The following CHEK1 variants were observed in gnomAD, a reference collection of about 807,000 sequenced individuals.
The protein encoded by CHEK1 is checkpoint kinase 1, also known as serine/threonine-protein kinase Chk1.
Under a neutral mutation model 60.2 loss-of-function variants are expected in CHEK1, and 32 were observed. The ratio of observed to expected loss-of-function variants is 0.53; its 90% CI spans 0.40 to 0.71. The LOEUF is 0.71. Ranked by LOEUF, CHEK1 falls within the 30% of genes least tolerant of loss-of-function variation. The pLI is 0.00. For missense variants in CHEK1, 399 were observed against 564.6 expected, an observed-to-expected ratio of 0.71 and a Z score of 2.97; for synonymous variants, 179 against 187.2, an observed-to-expected ratio of 0.96 and a Z score of 0.36.
intron 11 of CHEK1, among the ~76,000 whole-genome samples, chr11:125,645,337 C>T (rs1275107954): frequency 6.6e-6 from 1 of 151,986 alleles, no homozygotes; most frequent in Non-Finnish European, 1.5e-5. Context: ...TGATTGCACC[C>T]GTCAATTTTT....
At chr11:125,629,317 C>T in intron 4 of CHEK1, 21 bp downstream of exon 4, 1 of 1,613,638 alleles carries the variant, frequency 6.2e-7, no homozygotes, top group Non-Finnish European at 8.5e-7. Context: ...TTGTCTATTT[C>T]CCTTTTACTT....
intron 11 of CHEK1, among the ~76,000 whole-genome samples, chr11:125,646,053 T>C (rs1941488745): frequency 6.6e-6 from 1 of 152,112 alleles, no homozygotes; most frequent in African/African-American, 2.4e-5. Flanking sequence ...CACAAGGTTG[T>C]GCAACCATCG....
At chr11:125,680,912 A>T, downstream of CHEK1, 1 of 743,334 alleles carries the variant, frequency 1.3e-6, no homozygotes, top group East Asian at 2.6e-5. Flanking sequence ...GAAGTAACCC[A>T]TGTTTCTTCA....
In CHEK1 at chr11:125,644,076, G is replaced by A. The variant is rs374795594; in HGVS notation, c.924-15G>A. On this transcript the variant is annotated splice_polypyrimidine_tract_variant and intron_variant, in intron 9 of 12. Transcript: ENST00000438015. ...TTTTATTAAATGTATGTTTCTTTCTGTCTTAATGCCTCAGTGAAGAAAATG... is the reference window on the plus strand; with the variant it reads ...TTTTATTAAATGTATGTTTCTTTCTATCTTAATGCCTCAGTGAAGAAAATG... 6 of 1,605,620 alleles carry A rather than the reference G, an allele frequency of 3.7e-6. No individual in the cohort carries two copies. The highest frequency in any genetic ancestry group is 2.2e-5 in the East Asian group (1 of 44,848).
chr11:125,674,263 GA>G (rs1942372504), intron 13 of CHEK1, among the ~76,000 whole-genome samples: 2 of 152,188 alleles, frequency 1.3e-5, no homozygotes, highest in Admixed American at 1.3e-4. Flanking sequence ...ACATGCAATG[GA>G]AAAACCATGT....
downstream of CHEK1, chr11:125,680,808 G>C: frequency 1.3e-6 from 2 of 1,597,432 alleles, no homozygotes; most frequent in Non-Finnish European, 1.7e-6. Flanking sequence ...GGGGACCCCA[G>C]TGTGGGCCAC....
In CHEK1 at chr11:125,651,283, CCT is replaced by C. The variant is rs199689583; in HGVS notation, c.1234-2460_1234-2459del. Among the ~76,000 whole-genome samples, 3 of 138,888 alleles carry C rather than the reference CCT, an allele frequency of 2.2e-5. 1 individual carries two copies. The highest frequency in any genetic ancestry group is 1.5e-4 in the Admixed American group (2 of 13,752). The allele number at this position is 138,888 out of a possible 152,430, so 91.1% of individuals were successfully genotyped here. On this transcript the variant is annotated intron_variant, in intron 11 of 12. Coordinates refer to ENST00000438015, the MANE Select transcript of CHEK1 (RefSeq NM_001114122.3). The stretch of plus-strand genomic sequence containing the variant: ...GTTACAAAGGTGAAATAAAGACAAG[CCT>C]CTTTTTTTTTTTTTTTTTTTGAGAT...
At chr11:125,634,531 C>T (rs1212964576) in intron 6 of CHEK1, among the ~76,000 whole-genome samples, 4 of 151,790 alleles carry the variant, frequency 2.6e-5, no homozygotes, top group South Asian at 2.1e-4. Context: ...CTCCATGTTA[C>T]GTAGGCTGGT....
At chr11:125,631,346 T>G (rs1940852107) in intron 5 of CHEK1, among the ~76,000 whole-genome samples, 1 of 152,198 alleles carries the variant, frequency 6.6e-6, no homozygotes, top group African/African-American at 2.4e-5. Flanking sequence ...CTCCTGTTTA[T>G]TTCATCACAA....
Position 125,653,104 on chromosome 11 carries a change from T to C in CHEK1, c.1234-642T>C, listed in dbSNP as rs1312025743. 6.6e-6 allele frequency among the ~76,000 whole-genome samples: 1 copy of C among 152,222 alleles called. No individual in the cohort carries two copies. Among genetic ancestry groups the C allele is most frequent in the African/African-American group, 2.4e-5 (1 of 41,460 alleles). ...CTGGCTTATTTCACTTTACATAATG[T>C]CCTCCAGTTCCACCCATGTTGCTGC... On this transcript the variant is annotated intron_variant, in intron 11 of 12. Transcript: ENST00000438015. This position sits in a 1 kb window ranked among gnomAD's most constrained non-coding sequence, Gnocchi z 4.3.
At chr11:125,644,823 A>T (rs915413167) in intron 11 of CHEK1, among the ~76,000 whole-genome samples, 180 bp downstream of exon 11, 5 of 152,144 alleles carry the variant, frequency 3.3e-5, no homozygotes, top group African/African-American at 1.2e-4. Flanking sequence ...AGCCTGGCCA[A>T]CATGGTAAGA....
In CHEK1 at chr11:125,626,854, C is replaced by T. The variant is rs201094963; in HGVS notation, c.65+21C>T. ...GGAGAGTGAGTTCTTTTAAGCTTGC[C>T]TTCGTTTTCTGAGTGCATATTCATT... On this transcript the variant is annotated intron_variant, in intron 2 of 12. Coordinates refer to ENST00000438015, the MANE Select transcript of CHEK1 (RefSeq NM_001114122.3). 811 of 1,613,328 alleles carry T rather than the reference C, an allele frequency of 5.0e-4. 5 individuals carry two copies. Among genetic ancestry groups the T allele is most frequent in the Non-Finnish European group, 3.1e-5 (36 of 1,179,360 alleles).
At chr11:125,641,955 G>A (rs1163962804) in intron 8 of CHEK1, among the ~76,000 whole-genome samples, 1 of 152,116 alleles carries the variant, frequency 6.6e-6, no homozygotes, top group Admixed American at 6.5e-5. Flanking sequence ...TTCATGACCT[G>A]TGAGTTCTTA....
intron 13 of CHEK1, among the ~76,000 whole-genome samples, chr11:125,675,050 C>A (rs953527278): frequency 6.6e-6 from 1 of 152,200 alleles, no homozygotes; most frequent in African/African-American, 2.4e-5. Flanking sequence ...GACTGCACAT[C>A]GGAATTGTCT....
chr11:125,644,734 G>A (rs1941436215), intron 11 of CHEK1, 91 bp downstream of exon 11: 1 of 1,396,388 alleles, frequency 7.2e-7, no homozygotes, highest in Non-Finnish European at 9.7e-7. Flanking sequence ...TTTAAATATA[G>A]GCTGTGGCTC....
At chr11:125,649,003 G>A (rs1941609831) in intron 11 of CHEK1, among the ~76,000 whole-genome samples, 1 of 152,046 alleles carries the variant, frequency 6.6e-6, no homozygotes, top group South Asian at 2.1e-4. Flanking sequence ...TGTTTTTGTA[G>A]AGATGCAGTC....
At position 125,653,349 on chromosome 11, in the gene CHEK1, G is replaced by A. The variant is rs890200984; in HGVS notation, c.1234-397G>A. The stretch of plus-strand genomic sequence containing the variant: ...TCTGCCTCAGCCCCCTGAGTAGCTG[G>A]GCCTGTAGGCATGCACCACCATGCC... On this transcript the variant is annotated intron_variant, in intron 11 of 12. Transcript: ENST00000438015. The surrounding 1 kb of genome is among the most constrained non-coding windows in gnomAD (Gnocchi z 4.3). Among the ~76,000 whole-genome samples, 1 of 152,040 alleles carries A rather than the reference G, an allele frequency of 6.6e-6. No individual in the cohort carries two copies. Among genetic ancestry groups the A allele is most frequent in the African/African-American group, 2.4e-5 (1 of 41,378 alleles).
downstream of CHEK1, among the ~76,000 whole-genome samples, chr11:125,659,081 T>C: frequency 6.6e-6 from 1 of 152,186 alleles, no homozygotes; most frequent in Non-Finnish European, 1.5e-5. Context: ...TTTTCCTTCA[T>C]ATGGCTATCC....
Position 125,629,424 on chromosome 11 carries a change from G to T in CHEK1, c.388G>T (p.Asp130Tyr). 1 of 1,613,540 alleles carries T rather than the reference G, an allele frequency of 6.2e-7. No individual in the cohort carries two copies. Among genetic ancestry groups the T allele is most frequent in the Admixed American group, 1.7e-5 (1 of 59,986 alleles). The change falls in exon 5 of 13, where the codon GAT (aspartate) becomes TAT (tyrosine). Residue 130 changes from aspartate (D) to tyrosine (Y), a missense_variant. Asp to Tyr is a radical substitution (Grantham distance 160, BLOSUM62 -3). This residue lies in a region of CHEK1 where 370 missense variants were observed against 494.8 expected (regional missense o/e 0.75). Coordinates refer to ENST00000438015, the MANE Select transcript of CHEK1 (RefSeq NM_001114122.3). ...YLHGIGITHR[D>Y]IKPENLLLDE... ...GCATGGTATTGGAATAACTCACAGG[G>T]ATATTAAACCAGAAAATCTTCTGTT...
Sources: gnomAD v4.1 joint callset for allele counts (sites outside exome capture counted in the v4.1 genomes callset) on GRCh38, gnomAD v4.1.1 for gene constraint, gnomAD v4.1.1 regional missense constraint, Gnocchi (gnomAD v3.1) non-coding constraint, MANE v1.5 for transcripts, NCBI Gene and HGNC (gene_info 2026-07-23, HGNC 2026-07-21) for gene names.